BDP1: variants seen among roughly 807,000 people sequenced by gnomAD.
BDP1 encodes BDP1 general transcription factor IIIB subunit.
A neutral mutation model predicts 266.6 loss-of-function variants in BDP1; 169 were observed. The observed-to-expected ratio is 0.63, with a 90% CI of 0.56 to 0.72. The LOEUF is 0.72. Among genes scored for constraint, BDP1 ranks in the 30% least tolerant of loss-of-function variants. The probability of loss-of-function intolerance (pLI) is 0.00; values close to 1 mark genes in which losing one functional copy is unlikely to be tolerated. For missense variants in BDP1, 3,015 were observed against 3,053.8 expected (o/e 0.99, Z 0.30); for synonymous variants, 1,090 against 1,022.4 (o/e 1.07, Z -1.26).
chr5:71,554,361 A>G (rs1001224276), intron 35 of BDP1, among the ~76,000 whole-genome samples: 4 of 152,170 alleles, frequency 2.6e-5, no homozygotes, highest in Non-Finnish European at 5.9e-5. Context: ...TGTCTGTGGT[A>G]ATGAGTTGCA....
intron 18 of BDP1, 122 bp from the exon 19 acceptor site, chr5:71,513,063 C>CAAA (rs34252624): frequency 4.0e-4 from 166 of 416,354 alleles, no homozygotes; most frequent in East Asian, 7.2e-4. Flanking sequence ...ACCCTGTCTC[C>CAAA]AAAAAAAAAA....
Position 71,455,933 on chromosome 5 carries a change from C to G in BDP1, c.56C>G (p.Ala19Gly), listed in dbSNP as rs1425913020. The change falls in exon 1 of 39, where the codon GCC becomes GGC. Residue 19 changes from alanine (A) to glycine (G), a missense_variant. This residue lies in a region of BDP1 where 2,383 missense variants were observed against 2,404.9 expected (regional missense o/e 0.99). Transcript: ENST00000358731. ...CCGAATGTCAGGCCTGGTGTAGGCG[C>G]CAGGGGCTCCACAGCTTCCAATCCC... The part of the protein sequence containing the change: ...VKPNVRPGVG[A>G]RGSTASNPQR... The G allele has an allele frequency of 2.5e-6, 4 of 1,611,406 alleles. No homozygotes were observed. The South Asian group carries it at 4.4e-5, about 18-fold the overall frequency.
rs767591372 is a variant in BDP1 at position 71,524,241 on chromosome 5, TAAAC to T, written c.5694_5697del (p.Asn1898LysfsTer29). ...AGCTATCATCTTGCTCCCGAAGAAG[TAAAC>T]AAAGCTCCAGTATTTGTACCTGTTG... On this transcript the variant is annotated frameshift_variant, in exon 25 of 39. Coordinates refer to ENST00000358731, the MANE Select transcript of BDP1 (RefSeq NM_018429.3). LOFTEE classifies it high-confidence loss of function. 6.2e-7 allele frequency: 1 copy of T among 1,614,164 alleles called. No individual in the cohort carries two copies. Among genetic ancestry groups the T allele is most frequent in the Admixed American group, 1.7e-5 (1 of 60,022 alleles).
intron 20 of BDP1, among the ~76,000 whole-genome samples, chr5:71,515,324 G>A (rs1474901415): frequency 6.6e-6 from 1 of 152,088 alleles, no homozygotes; most frequent in Admixed American, 6.6e-5. Context: ...TATCTGCATT[G>A]TCAGCTGCGT....
chr5:71,490,844 A>G, intron 10 of BDP1, 140 bp from the exon 11 acceptor site: 1 of 746,828 alleles, frequency 1.3e-6, no homozygotes, highest in East Asian at 3.0e-5. Flanking sequence ...TCTAAAAATA[A>G]GATGTGTGCC....
rs151148013 is a variant in BDP1, at chr5:71,515,541, T to C, written c.4649+419T>C. ...TCCAAATCTAAAAAAATCTGAAATC[T>C]GAAACATTTCTGGTCCTAAGCATTT... On this transcript the variant is annotated intron_variant, in intron 20 of 38. Coordinates refer to ENST00000358731, the MANE Select transcript of BDP1 (RefSeq NM_018429.3). Among the ~76,000 whole-genome samples the C allele has an allele frequency of 7.2e-5, 11 of 152,308 alleles. No homozygotes were observed. The East Asian group carries it at 2.1e-3, about 29-fold the overall frequency.
Position 71,562,514 on chromosome 5 carries a change from A to T in BDP1, c.7737A>T (p.Ala2579=). 6.2e-7 allele frequency: 1 copy of T among 1,613,524 alleles called. No individual in the cohort carries two copies. Among genetic ancestry groups the T allele is most frequent in the Non-Finnish European group, 8.5e-7 (1 of 1,179,768 alleles). Residue 2579 remains alanine (A), a synonymous_variant, in exon 38 of 39, where the codon GCA becomes GCT. Transcript: ENST00000358731. ...AATCTGAGAATATTAGCAGCTCAGCAACTCAGGTATGTGATAACTACTGTA... is the reference window on the plus strand; with the variant it reads ...AATCTGAGAATATTAGCAGCTCAGCTACTCAGGTATGTGATAACTACTGTA... The part of the protein sequence containing the change: ...TTQSENISSS[A]TQVSCDQPLL...
chr5:71,553,145 A>C lies in BDP1; in HGVS notation c.7025A>C (p.Gln2342Pro). 1 of 1,612,784 alleles carries C rather than the reference A, an allele frequency of 6.2e-7. No individual in the cohort carries two copies. The highest frequency in any genetic ancestry group is 8.5e-7 in the Non-Finnish European group (1 of 1,179,902). ...SICLPATSVGQDAMGLSISGR... is the reference protein window; with the variant it reads ...SICLPATSVGPDAMGLSISGR... ...TGTTTACCAGCAACTTCAGTTGGTCAAGATGCCATGGGTTTATCTATTTCT... is the reference window on the plus strand; with the variant it reads ...TGTTTACCAGCAACTTCAGTTGGTCCAGATGCCATGGGTTTATCTATTTCT... The change falls in exon 35 of 39, where the codon CAA becomes CCA. Residue 2342 changes from glutamine (Q) to proline (P), a missense_variant. Gln to Pro is a moderately conservative substitution (Grantham distance 76). Transcript: ENST00000358731.
At chr5:71,470,286 TG>T in intron 6 of BDP1, 108 bp from the exon 7 acceptor site, 1 of 787,372 alleles carries the variant, frequency 1.3e-6, no homozygotes, top group South Asian at 1.7e-5. Context: ...AGGTATTGCA[TG>T]GGGATCTTTC....
chr5:71,458,713 A>C lies in BDP1; in HGVS notation c.347A>C (p.His116Pro). The part of the protein sequence containing the change: ...KSSVSVPSES[H>P]PLSTINQEAP... ...AGTGTCAGTGTTCCTTCAGAATCTC[A>C]TCCCTTATCTACAATTAATCAAGAG... The change falls in exon 2 of 39, where the codon CAT (histidine) becomes CCT (proline). Residue 116 changes from histidine to proline, a missense_variant. By Grantham distance (77) the His-to-Pro change is moderately conservative. Coordinates refer to ENST00000358731, the MANE Select transcript of BDP1 (RefSeq NM_018429.3). 2 of 1,614,166 alleles carry C rather than the reference A, an allele frequency of 1.2e-6. No individual in the cohort carries two copies. The highest frequency in any genetic ancestry group is 1.1e-5 in the South Asian group (1 of 91,086).
intron 36 of BDP1, 142 bp from the exon 37 acceptor site, chr5:71,559,840 T>G: frequency 1.3e-6 from 1 of 757,856 alleles, no homozygotes; most frequent in South Asian, 1.9e-5. Context: ...ATAATCCAAG[T>G]AACTCCACTA....
At chr5:71,499,437 C>T (rs1360846188) in intron 13 of BDP1, among the ~76,000 whole-genome samples, 5 of 152,058 alleles carry the variant, frequency 3.3e-5, no homozygotes, top group East Asian at 1.9e-4. Context: ...GCCAACATGG[C>T]GAAATCCCAT....
At chr5:71,527,524 T>G (rs1291960037) in intron 25 of BDP1, among the ~76,000 whole-genome samples, 1 of 152,252 alleles carries the variant, frequency 6.6e-6, no homozygotes, top group South Asian at 2.1e-4. Flanking sequence ...CAGTATTTTT[T>G]TGTGTGACCA....
intron 38 of BDP1, among the ~76,000 whole-genome samples, chr5:71,563,769 A>C (rs1743843087): frequency 6.6e-6 from 1 of 152,166 alleles, no homozygotes. Context: ...AAATTTAATC[A>C]GGCACGGTGG....
intron 7 of BDP1, among the ~76,000 whole-genome samples, chr5:71,474,820 G>A (rs986449639): frequency 6.7e-6 from 1 of 148,720 alleles, no homozygotes. Context: ...GCACTCCAGC[G>A]TAGGCAACAG....
chr5:71,500,664 A>G (rs1764180236), intron 13 of BDP1, among the ~76,000 whole-genome samples: 1 of 152,154 alleles, frequency 6.6e-6, no homozygotes, highest in South Asian at 2.1e-4. Context: ...ATTCCCTTGC[A>G]ACCAATCTTT....
At chr5:71,480,025 A>G (rs1762845925) in intron 7 of BDP1, among the ~76,000 whole-genome samples, 1 of 149,936 alleles carries the variant, frequency 6.7e-6, no homozygotes, top group Non-Finnish European at 1.5e-5. Context: ...GCTCACTGCA[A>G]CCTCCGCCTC....
At chr5:71,491,288 A>G (rs552352091) in intron 11 of BDP1, among the ~76,000 whole-genome samples, 157 bp downstream of exon 11, 1 of 152,136 alleles carries the variant, frequency 6.6e-6, no homozygotes, top group African/African-American at 2.4e-5. Context: ...TTAGGTGTGT[A>G]CATATCTAGG....
At position 71,483,847 on chromosome 5, in the gene BDP1, A is replaced by G; in HGVS notation, c.1020A>G (p.Lys340=). 1 of 1,610,372 alleles carries G rather than the reference A, an allele frequency of 6.2e-7. No individual in the cohort carries two copies. The highest frequency in any genetic ancestry group is 1.1e-5 in the South Asian group (1 of 90,822). The change falls in exon 8 of 39, where the codon AAA becomes AAG. Residue 340 remains lysine (K), a synonymous_variant. Transcript: ENST00000358731. ...PHRARIEIKN[K]FKREEKTNGW... is the part of the protein sequence containing the mutation. Reference sequence around the variant, plus strand: ...GGGTTTTTTGTTGTTAACAGAATAAATTTAAACGGGAAGAGAAAACAAATG... The same window carrying G: ...GGGTTTTTTGTTGTTAACAGAATAAGTTTAAACGGGAAGAGAAAACAAATG...
Sources: allele counts gnomAD v4.1 joint callset (sites outside exome capture counted in the v4.1 genomes callset), GRCh38; gene constraint gnomAD v4.1.1; regional missense constraint gnomAD v4.1.1; transcripts MANE v1.5; gene names NCBI Gene and HGNC (gene_info 2026-07-23, HGNC 2026-07-21).